The following PRKDC variants were observed in gnomAD, a reference collection of about 807,000 sequenced individuals.
PRKDC encodes protein kinase, DNA-activated, catalytic subunit, also known as DNA-dependent protein kinase catalytic subunit.
A neutral mutation model predicts 486.9 loss-of-function variants in PRKDC; 82 were observed. The observed-to-expected ratio is 0.17, with a 90% CI of 0.14 to 0.20. The LOEUF (loss-of-function observed/expected upper bound fraction) is 0.20. Among genes scored for constraint, PRKDC ranks in the 10% least tolerant of loss-of-function variants. The pLI is 1.00. For synonymous variants in PRKDC, 1,895 were observed against 1,837.0 expected (o/e 1.03, Z -0.81); for missense variants, 4,504 against 5,038.2 (o/e 0.89, Z 3.21).
chr8:47,790,815 A>T lies in PRKDC; in HGVS notation c.10671-1577T>A, dbSNP rs184167235. Among the ~76,000 whole-genome samples the T allele has an allele frequency of 1.7e-3, 258 of 152,336 alleles. 1 individual carries two copies. The highest frequency in any genetic ancestry group is 5.9e-3 in the African/African-American group (246 of 41,576). ...TGTGCCAAGAACATACATCAGGGAA[A>T]GGACAGTCTCCAATAAATGGTCCTG... is the stretch of plus-strand genomic sequence containing the variant. On this transcript the variant is annotated intron_variant, in intron 74 of 85. Transcript: ENST00000314191.
At chr8:47,948,765 G>A (rs1563819746) in intron 7 of PRKDC, among the ~76,000 whole-genome samples, 1 of 152,074 alleles carries the variant, frequency 6.6e-6, no homozygotes, top group East Asian at 1.9e-4. Flanking sequence ...CCCGGCCCTG[G>A]GTGCCTTATA....
In PRKDC at chr8:47,858,988, T is replaced by A; in HGVS notation, c.6208-2A>T. ...ATGCACCGTGGGGTCCCGCTGCTCC[T>A]GCGAAAGGGAGGGCCCAGGAGAGCA... is the stretch of plus-strand genomic sequence containing the variant. On this transcript the variant is annotated splice_acceptor_variant, in intron 46 of 85. Transcript: ENST00000314191. LOFTEE classifies it high-confidence loss of function. The A allele has an allele frequency of 6.2e-7, 1 of 1,612,344 alleles. No individual in the cohort carries two copies. Among genetic ancestry groups the A allele is most frequent in the African/African-American group, 1.3e-5 (1 of 75,020 alleles).
chr8:47,881,229 G>A (rs1266697545), intron 38 of PRKDC, among the ~76,000 whole-genome samples, 187 bp downstream of exon 38: 1 of 152,092 alleles, frequency 6.6e-6, no homozygotes, highest in Non-Finnish European at 1.5e-5. Flanking sequence ...CCGCACAGGT[G>A]AAACAAACAC....
chr8:47,946,603 C>T (rs1229954436), intron 7 of PRKDC, among the ~76,000 whole-genome samples: 1 of 152,086 alleles, frequency 6.6e-6, no homozygotes, highest in Admixed American at 6.6e-5. Flanking sequence ...CTGGTCTCTG[C>T]ACTCTCACCC....
chr8:47,784,329 C>A (rs1395658802), intron 77 of PRKDC, among the ~76,000 whole-genome samples: 1 of 151,926 alleles, frequency 6.6e-6, no homozygotes, highest in Non-Finnish European at 1.5e-5. Context: ...ATAGCATGGA[C>A]AAATCCTAAG....
intron 59 of PRKDC, among the ~76,000 whole-genome samples, chr8:47,832,838 C>T (rs2087919119): frequency 6.6e-6 from 1 of 152,210 alleles, no homozygotes; most frequent in South Asian, 2.1e-4. Context: ...GGATCTACGC[C>T]CAAGGACACT....
intron 68 of PRKDC, among the ~76,000 whole-genome samples, chr8:47,809,523 G>A (rs533372542): frequency 6.6e-6 from 1 of 152,182 alleles, no homozygotes; most frequent in Non-Finnish European, 1.5e-5. Flanking sequence ...GGCTGTGAAG[G>A]GTGCATGCAA....
chr8:47,777,470 A>G (rs2086626659), intron 84 of PRKDC, among the ~76,000 whole-genome samples: 1 of 152,024 alleles, frequency 6.6e-6, no homozygotes, highest in Admixed American at 6.6e-5. Context: ...CTGCCTCCCA[A>G]AGTTTTGGGA....
At position 47,798,359 on chromosome 8, in the gene PRKDC, C is replaced by T. The variant is rs2087023277; in HGVS notation, c.10336G>A (p.Val3446Met). Residue 3446 changes from valine (V) to methionine (M), a missense_variant, in exon 73 of 86, where the codon GTG becomes ATG. This residue lies in a region of PRKDC where 706 missense variants were observed against 945.0 expected (regional missense o/e 0.75). Coordinates refer to ENST00000314191, the MANE Select transcript of PRKDC (RefSeq NM_006904.7). ...SAELQAYPAL[V>M]VEKMLKALKL... ...AAAGCTTTCAACATTTTCTCCACCA[C>T]AAGTGCTGGATACGCCTGCAGTTCT... 6.2e-6 allele frequency: 10 copies of T among 1,611,302 alleles called. No homozygotes were observed. The East Asian group carries it at 2.0e-4, about 32-fold the overall frequency.
At position 47,934,085 on chromosome 8, in the gene PRKDC, A is replaced by C. The variant is rs776501639; in HGVS notation, c.1503T>G (p.Pro501=). 1.2e-6 allele frequency: 2 copies of C among 1,612,834 alleles called. No individual in the cohort carries two copies. Among genetic ancestry groups the C allele is most frequent in the Non-Finnish European group, 1.7e-6 (2 of 1,179,280 alleles). ...CACGGTGGTCTTCAGATTCAGACTCAGGGCCCTGGCCAGAAAGACAGCATG... is the reference window on the plus strand; with the variant it reads ...CACGGTGGTCTTCAGATTCAGACTCCGGGCCCTGGCCAGAAAGACAGCATG... ...CSKPVVLPKG[P]ESESEDHRAS... The change falls in exon 15 of 86, where the codon CCT becomes CCG. Residue 501 remains proline, a synonymous_variant. Coordinates refer to ENST00000314191, the MANE Select transcript of PRKDC (RefSeq NM_006904.7).
Position 47,935,859 on chromosome 8 carries a change from C to G in PRKDC, c.1320G>C (p.Val440=), listed in dbSNP as rs376084484. 6.2e-7 allele frequency: 1 copy of G among 1,613,872 alleles called. No individual in the cohort carries two copies. Among genetic ancestry groups the G allele is most frequent in the African/African-American group, 1.3e-5 (1 of 74,926 alleles). The stretch of plus-strand genomic sequence containing the variant: ...ACTGTGGGAAACTGTCTATCTGCAT[C>G]ACCACGAGGTGCTCCAGAACTGGAG... ...VYTPVLEHLV[V]MQIDSFPQYS... is the part of the protein sequence containing the mutation. The change falls in exon 13 of 86, where the codon GTG becomes GTC. Residue 440 remains valine, a synonymous_variant. Transcript: ENST00000314191.
At chr8:47,900,218 G>A (rs919663708) in intron 28 of PRKDC, among the ~76,000 whole-genome samples, 155 bp downstream of exon 28, 1 of 152,020 alleles carries the variant, frequency 6.6e-6, no homozygotes, top group Non-Finnish European at 1.5e-5. Flanking sequence ...AACAAGCTGG[G>A]TTTGAGGCAC....
At chr8:47,878,003 T>C (rs2089125605) in intron 39 of PRKDC, among the ~76,000 whole-genome samples, 152 bp from the exon 40 acceptor site, 1 of 151,624 alleles carries the variant, frequency 6.6e-6, no homozygotes, top group Admixed American at 6.6e-5. Context: ...ACTTAACAAA[T>C]ACCAGTATTT....
chr8:47,862,611 AGAC>A (rs1589750511), intron 42 of PRKDC, 70 bp from the exon 43 acceptor site: 1 of 1,442,682 alleles, frequency 6.9e-7, no homozygotes, highest in East Asian at 2.5e-5. Context: ...CAACAATGCC[AGAC>A]AACAGGACCT....
chr8:47,933,726 A>G (rs2090298415), intron 15 of PRKDC, among the ~76,000 whole-genome samples: 1 of 152,200 alleles, frequency 6.6e-6, no homozygotes, highest in South Asian at 2.1e-4. Flanking sequence ...TAAAATGAGG[A>G]CTCAGCTACA....
intron 56 of PRKDC, 145 bp downstream of exon 56, chr8:47,839,003 C>T (rs2088085896): frequency 3.1e-6 from 2 of 650,586 alleles, no homozygotes; most frequent in Non-Finnish European, 5.2e-6. Flanking sequence ...TTAAAATACT[C>T]TTTTACTAAA....
intron 54 of PRKDC, among the ~76,000 whole-genome samples, chr8:47,845,301 T>G (rs1182668490): frequency 6.6e-6 from 1 of 150,904 alleles, no homozygotes; most frequent in Non-Finnish European, 1.5e-5. Context: ...TGGAATTGAA[T>G]GAAATTGTGA....
chr8:47,773,500 A>C lies in PRKDC; in HGVS notation c.*673T>G, dbSNP rs1235743269. 2 of 220,128 alleles carry C rather than the reference A, an allele frequency of 9.1e-6. No individual in the cohort carries two copies. Among genetic ancestry groups the C allele is most frequent in the African/African-American group, 4.5e-5 (2 of 44,682 alleles). The allele number at this position is 220,128 out of a possible 1,614,324, so 13.6% of individuals were successfully genotyped here. ...TCTTCCAGTTGTAGATTGGAATAGCAAAAGTGAATGCTATGACCAAAATTT... is the reference window on the plus strand; with the variant it reads ...TCTTCCAGTTGTAGATTGGAATAGCCAAAGTGAATGCTATGACCAAAATTT... On this transcript the variant is annotated 3_prime_UTR_variant, in exon 86 of 86. Coordinates refer to ENST00000314191, the MANE Select transcript of PRKDC (RefSeq NM_006904.7).
intron 52 of PRKDC, among the ~76,000 whole-genome samples, chr8:47,850,028 T>C (rs1397538579): frequency 6.6e-6 from 1 of 152,198 alleles, no homozygotes; most frequent in African/African-American, 2.4e-5. Flanking sequence ...CTACCTGTTA[T>C]ATATTCATCT....
Sources: gnomAD v4.1 joint callset for allele counts (sites outside exome capture counted in the v4.1 genomes callset) on GRCh38, gnomAD v4.1.1 for gene constraint, gnomAD v4.1.1 regional missense constraint, MANE v1.5 for transcripts, NCBI Gene and HGNC (gene_info 2026-07-23, HGNC 2026-07-21) for gene names.